RLN2: variants seen among roughly 807,000 people sequenced by gnomAD.
RLN2 encodes prorelaxin H2.
A neutral mutation model predicts 7.3 loss-of-function variants in RLN2; 10 were observed. The observed-to-expected ratio is 1.36, with a 90% CI of 0.84 to 2.31. The LOEUF is 2.31. Ranked by LOEUF, RLN2 falls within the 30% of genes most tolerant of loss-of-function variation. The pLI is 0.00. For synonymous variants in RLN2, 103 were observed against 82.3 expected (o/e 1.25, Z -1.36); for missense variants, 298 against 217.6 (o/e 1.37, Z -2.32).
the RLN2 span, among the ~76,000 whole-genome samples, chr9:5,330,131 G>A: frequency 2.0e-5 from 3 of 151,988 alleles, no homozygotes; most frequent in Admixed American, 1.3e-4. Context: ...CAACTACATG[G>A]AAACTGAACA....
At chr9:5,337,731 G>C in the RLN2 span, among the ~76,000 whole-genome samples, 2 of 151,994 alleles carry the variant, frequency 1.3e-5, no homozygotes, top group Non-Finnish European at 2.9e-5. Flanking sequence ...AATATTTTCT[G>C]AGGTTACTTT....
upstream of RLN2, chr9:5,305,024 C>A (rs1456274696): frequency 6.0e-6 from 1 of 166,270 alleles, no homozygotes; most frequent in Non-Finnish European, 1.3e-5. Context: ...GCCAAAAAAC[C>A]CTTCTAACCT....
the RLN2 span, among the ~76,000 whole-genome samples, chr9:5,333,900 C>G: frequency 6.6e-6 from 1 of 151,970 alleles, no homozygotes; most frequent in Non-Finnish European, 1.5e-5. Flanking sequence ...ATCGCATAAA[C>G]AGAACTAAAG....
At chr9:5,320,875 A>C in the RLN2 span, among the ~76,000 whole-genome samples, 1 of 152,104 alleles carries the variant, frequency 6.6e-6, no homozygotes, top group Non-Finnish European at 1.5e-5. Flanking sequence ...TTTTATCATT[A>C]TCATCTGAAT....
At position 5,304,593 on chromosome 9, in the gene RLN2, C is replaced by A. The variant is rs372892786; in HGVS notation, c.-13G>T. The stretch of plus-strand genomic sequence containing the variant: ...ACAGGCGAGGCATCCTGGGCCTGGT[C>A]TCTCCTGGAGGTCGGGACGTTGCAG... On this transcript the variant is annotated 5_prime_UTR_variant, in exon 1 of 2. Transcript: ENST00000381627. The A allele has an allele frequency of 6.2e-7, 1 of 1,613,102 alleles. No homozygotes were observed. The highest frequency in any genetic ancestry group is 8.5e-7 in the Non-Finnish European group (1 of 1,179,312).
At chr9:5,310,340 A>G in the RLN2 span, among the ~76,000 whole-genome samples, 2 of 151,826 alleles carry the variant, frequency 1.3e-5, no homozygotes, top group Non-Finnish European at 2.9e-5. Flanking sequence ...TGTGTGTAGG[A>G]CTTTTTGTTT....
chr9:5,332,740 C>T, the RLN2 span, among the ~76,000 whole-genome samples: 26 of 151,530 alleles, frequency 1.7e-4, no homozygotes, highest in Non-Finnish European at 2.2e-4. Flanking sequence ...CTCAGCCTCC[C>T]GAGTAGCTGG....
intron 1 of RLN2, 46 bp downstream of exon 1, chr9:5,304,324 A>G (rs1414409862): frequency 2.9e-6 from 4 of 1,394,542 alleles, no homozygotes; most frequent in South Asian, 1.2e-5. Context: ...CCCCAGAGTA[A>G]CCAATGGGAA....
intron 1 of RLN2, among the ~76,000 whole-genome samples, chr9:5,301,927 G>A (rs973202612): frequency 8.5e-5 from 13 of 152,188 alleles, no homozygotes; most frequent in African/African-American, 2.4e-4. Context: ...AATTTATATC[G>A]TTTTTGGTTA....
At chr9:5,306,761 G>T (rs563679769), upstream of RLN2, among the ~76,000 whole-genome samples, 65 of 152,092 alleles carry the variant, frequency 4.3e-4, 1 homozygote, top group African/African-American at 1.5e-3. Context: ...CCTAGATCCA[G>T]TTCCAGTTGT....
At chr9:5,324,631 C>T in the RLN2 span, among the ~76,000 whole-genome samples, 1 of 152,014 alleles carries the variant, frequency 6.6e-6, no homozygotes, top group Non-Finnish European at 1.5e-5. Flanking sequence ...TTTGTGTTTA[C>T]TGAACATCAT....
chr9:5,314,160 G>A, the RLN2 span, among the ~76,000 whole-genome samples: 1 of 152,034 alleles, frequency 6.6e-6, no homozygotes, highest in Non-Finnish European at 1.5e-5. Flanking sequence ...GACCCACGTG[G>A]CTACTGCATT....
the RLN2 span, among the ~76,000 whole-genome samples, chr9:5,322,332 T>C: frequency 3.9e-5 from 6 of 151,936 alleles, no homozygotes; most frequent in South Asian, 2.1e-4. Flanking sequence ...TGCCCAGTCA[T>C]AGGACTGCAG....
the RLN2 span, among the ~76,000 whole-genome samples, chr9:5,327,572 C>T: frequency 7.9e-5 from 12 of 152,058 alleles, no homozygotes; most frequent in African/African-American, 2.9e-4. Flanking sequence ...GCACGGCATT[C>T]GAGCTTTGGG....
the RLN2 span, among the ~76,000 whole-genome samples, chr9:5,310,064 A>C: frequency 6.6e-6 from 1 of 151,968 alleles, no homozygotes; most frequent in Non-Finnish European, 1.5e-5. Context: ...TGGGTAAAAG[A>C]GGAATCCACA....
At chr9:5,330,740 G>C in the RLN2 span, among the ~76,000 whole-genome samples, 2 of 135,936 alleles carry the variant, frequency 1.5e-5, no homozygotes, top group Non-Finnish European at 3.1e-5. Context: ...ACTAAGATCA[G>C]AGCAGAACTG....
At chr9:5,306,198 C>A (rs1233045073), upstream of RLN2, among the ~76,000 whole-genome samples, 1 of 150,498 alleles carries the variant, frequency 6.6e-6, no homozygotes, top group Admixed American at 6.6e-5. Context: ...ACCTCCACCT[C>A]CCAGGTTCAA....
At chr9:5,300,860 G>A (rs1816108929) in intron 1 of RLN2, among the ~76,000 whole-genome samples, 1 of 152,124 alleles carries the variant, frequency 6.6e-6, no homozygotes, top group Non-Finnish European at 1.5e-5. Context: ...GATATTATGA[G>A]TTGTAATAGT....
the RLN2 span, among the ~76,000 whole-genome samples, chr9:5,318,013 T>TGTGTGTGTGTGTGTGC: frequency 6.6e-6 from 1 of 151,426 alleles, no homozygotes; most frequent in Non-Finnish European, 1.5e-5. Context: ...TGTGCGTGTG[T>TGTGTGTGTGTGTGTGC]GTGTGTGTGT....
Sources: allele counts gnomAD v4.1 joint callset (sites outside exome capture counted in the v4.1 genomes callset), GRCh38; gene constraint gnomAD v4.1.1; transcripts MANE v1.5; gene names NCBI Gene and HGNC (gene_info 2026-07-23, HGNC 2026-07-21).